NDST3: variants seen among roughly 807,000 people sequenced by gnomAD.
The protein encoded by NDST3 is bifunctional heparan sulfate N-deacetylase/N-sulfotransferase 3.
A neutral mutation model predicts 96.1 loss-of-function variants in NDST3; 58 were observed. That is an observed-to-expected ratio of 0.60 (90% CI 0.49 to 0.75). The LOEUF is 0.75. Ranked by LOEUF, NDST3 falls within the 30% of genes least tolerant of loss-of-function variation. The probability of loss-of-function intolerance (pLI) is 0.00; values close to 1 mark genes in which losing one functional copy is unlikely to be tolerated. For missense variants in NDST3, 788 were observed against 1,034.2 expected (o/e 0.76, Z 3.27); for synonymous variants, 333 against 359.7 (o/e 0.93, Z 0.84).
intron 6 of NDST3, among the ~76,000 whole-genome samples, chr4:118,208,166 C>T (rs1394589673): frequency 1.4e-5 from 2 of 143,466 alleles, no homozygotes; most frequent in African/African-American, 5.2e-5. Context: ...AATAATACAC[C>T]AAATGTGAAT....
chr4:118,180,064 A>T (rs1391304659), intron 6 of NDST3, among the ~76,000 whole-genome samples: 1 of 151,990 alleles, frequency 6.6e-6, no homozygotes, highest in Non-Finnish European at 1.5e-5. Flanking sequence ...GGAAGAGGAG[A>T]GGTAAGAGCC....
intron 6 of NDST3, among the ~76,000 whole-genome samples, chr4:118,207,184 CACACACAA>C (rs1224882407): frequency 3.0e-5 from 3 of 100,124 alleles, no homozygotes; most frequent in African/African-American, 8.9e-5. Flanking sequence ...CACACACACA[CACACACAA>C]ATTATATCTG....
chr4:118,191,449 C>T (rs1361349645), intron 6 of NDST3, among the ~76,000 whole-genome samples: 1 of 152,108 alleles, frequency 6.6e-6, no homozygotes, highest in Non-Finnish European at 1.5e-5. Context: ...TTAAACTTAG[C>T]TATTGTTTCT....
At chr4:118,088,860 C>A (rs888247832) in intron 2 of NDST3, among the ~76,000 whole-genome samples, 1 of 151,818 alleles carries the variant, frequency 6.6e-6, no homozygotes, top group African/African-American at 2.4e-5. Flanking sequence ...ATGTCTAGAC[C>A]GTTGCTGGCT....
intron 6 of NDST3, among the ~76,000 whole-genome samples, chr4:118,184,636 C>T (rs1011414815): frequency 6.6e-6 from 1 of 151,454 alleles, no homozygotes; most frequent in Non-Finnish European, 1.5e-5. Flanking sequence ...CACACACACA[C>T]ACACACATAT....
intron 1 of NDST3, among the ~76,000 whole-genome samples, chr4:118,046,808 G>A (rs1724787504): frequency 6.6e-6 from 1 of 152,192 alleles, no homozygotes; most frequent in Admixed American, 6.5e-5. Flanking sequence ...GGGGTGAGAT[G>A]CCTATTCATG....
intron 6 of NDST3, among the ~76,000 whole-genome samples, chr4:118,170,229 G>A (rs10023699): frequency 0.84 from 127,310 of 152,152 alleles, 54,816 homozygotes; most frequent in South Asian, 0.95. Flanking sequence ...CAATGAGGCA[G>A]TTGGGGAAAT....
At chr4:118,213,538 T>C (rs1738980059) in intron 6 of NDST3, among the ~76,000 whole-genome samples, 1 of 151,996 alleles carries the variant, frequency 6.6e-6, no homozygotes, top group Admixed American at 6.6e-5. Flanking sequence ...AAGGACATTG[T>C]GATAATTAAT....
At chr4:118,047,417 TGAAATGACA>T (rs1375260917) in intron 1 of NDST3, among the ~76,000 whole-genome samples, 1 of 152,208 alleles carries the variant, frequency 6.6e-6, no homozygotes, top group African/African-American at 2.4e-5. Flanking sequence ...CTGAAATGAC[TGAAATGACA>T]GACATATTAT....
chr4:118,035,519 T>C (rs1465594516), intron 1 of NDST3, among the ~76,000 whole-genome samples: 1 of 151,664 alleles, frequency 6.6e-6, no homozygotes, highest in Non-Finnish European at 1.5e-5. Context: ...CAGGATGATA[T>C]GGCAGAGAAA....
intron 6 of NDST3, among the ~76,000 whole-genome samples, chr4:118,166,196 A>G (rs1383073154): frequency 6.6e-6 from 1 of 151,860 alleles, no homozygotes; most frequent in Non-Finnish European, 1.5e-5. Context: ...GACTCAAATA[A>G]ATAAAATTGG....
intron 6 of NDST3, among the ~76,000 whole-genome samples, chr4:118,169,398 A>T (rs2125935183): frequency 6.6e-6 from 1 of 152,310 alleles, no homozygotes; most frequent in Non-Finnish European, 1.5e-5. Flanking sequence ...TACATCTATA[A>T]AAGTCACTTT....
At chr4:118,101,240 A>C (rs1258241554) in intron 2 of NDST3, among the ~76,000 whole-genome samples, 1 of 152,098 alleles carries the variant, frequency 6.6e-6, no homozygotes, top group South Asian at 2.1e-4. Flanking sequence ...AACAAAAGTT[A>C]GAGAAAATTC....
intron 5 of NDST3, among the ~76,000 whole-genome samples, chr4:118,142,366 G>T (rs1274265992): frequency 6.6e-6 from 1 of 151,420 alleles, no homozygotes; most frequent in Admixed American, 6.6e-5. Context: ...TATACAATAG[G>T]TTGTATTATA....
chr4:118,096,934 A>G (rs1435215308), intron 2 of NDST3, among the ~76,000 whole-genome samples: 1 of 151,932 alleles, frequency 6.6e-6, no homozygotes, highest in Non-Finnish European at 1.5e-5. Context: ...ATCTAAAGAT[A>G]GGAAAAGATC....
At chr4:118,038,638 T>C (rs1187560252) in intron 1 of NDST3, among the ~76,000 whole-genome samples, 1 of 152,224 alleles carries the variant, frequency 6.6e-6, no homozygotes, top group African/African-American at 2.4e-5. Context: ...TTATTATTAC[T>C]AAATTACTTT....
chr4:118,086,471 G>A (rs1264851719), intron 2 of NDST3, among the ~76,000 whole-genome samples: 1 of 151,400 alleles, frequency 6.6e-6, no homozygotes, highest in Non-Finnish European at 1.5e-5. Flanking sequence ...CCACCCACCC[G>A]CCCTCTGACA....
chr4:118,253,446 T>G (rs2126016111), intron 12 of NDST3, 53 bp from the exon 13 acceptor site: 1 of 1,210,676 alleles, frequency 8.3e-7, no homozygotes, highest in Non-Finnish European at 1.2e-6. Context: ...ATCATATAAA[T>G]TGGTTGAAAA....
intron 6 of NDST3, among the ~76,000 whole-genome samples, chr4:118,195,300 G>C (rs1737598015): frequency 6.6e-6 from 1 of 152,164 alleles, no homozygotes; most frequent in Non-Finnish European, 1.5e-5. Context: ...CACTTGTCAA[G>C]GGTGGGGCCA....
Sources: allele counts gnomAD v4.1 joint callset (sites outside exome capture counted in the v4.1 genomes callset), GRCh38; gene constraint gnomAD v4.1.1; transcripts MANE v1.5; gene names NCBI Gene and HGNC (gene_info 2026-07-23, HGNC 2026-07-21).